The following NOL4 variants were observed in gnomAD, a reference collection of about 807,000 sequenced individuals.
The protein encoded by NOL4 is cancer/testis antigen 125.
NOL4 carries 17 observed loss-of-function variants against 75.9 expected under a neutral mutation model. That is an observed-to-expected ratio of 0.22 (90% CI 0.15 to 0.34). NOL4 has a LOEUF of 0.34. Among genes scored for constraint, NOL4 ranks in the 10% least tolerant of loss-of-function variants. The pLI, the probability that NOL4 is intolerant of heterozygous loss-of-function variation, is 1.00. For synonymous variants in NOL4, 292 were observed against 289.9 expected (o/e 1.01, Z -0.07); for missense variants, 614 against 793.5 (o/e 0.77, Z 2.72).
intron 1 of NOL4, among the ~76,000 whole-genome samples, chr18:34,133,847 C>T (rs751339722): frequency 1.1e-4 from 17 of 152,206 alleles, no homozygotes; most frequent in Admixed American, 3.3e-4. Context: ...TATGGTGAAA[C>T]CCCTTCTCTA....
chr18:34,022,986 A>T (rs967477320), intron 5 of NOL4, among the ~76,000 whole-genome samples: 2 of 152,100 alleles, frequency 1.3e-5, no homozygotes, highest in African/African-American at 2.4e-5. Flanking sequence ...TAAGGTAGAA[A>T]ATATTTTTAG....
chr18:34,049,712 AC>A (rs763598155), intron 5 of NOL4, among the ~76,000 whole-genome samples: 4 of 151,946 alleles, frequency 2.6e-5, no homozygotes, highest in Non-Finnish European at 5.9e-5. Context: ...CCTGCATACC[AC>A]CCTTCCCCCA....
intron 5 of NOL4, among the ~76,000 whole-genome samples, chr18:34,053,461 A>G (rs1239395088): frequency 6.6e-6 from 1 of 151,990 alleles, no homozygotes; most frequent in Non-Finnish European, 1.5e-5. Flanking sequence ...ACATATGGAG[A>G]AAAAAGCTTA....
intron 10 of NOL4, among the ~76,000 whole-genome samples, chr18:33,879,966 T>C (rs1475125855): frequency 1.3e-5 from 2 of 152,094 alleles, no homozygotes; most frequent in African/African-American, 4.8e-5. Context: ...ACTTTTTGCA[T>C]TGAGCTAGTC....
intron 9 of NOL4, among the ~76,000 whole-genome samples, chr18:33,896,679 T>A (rs2065430196): frequency 6.6e-6 from 1 of 151,990 alleles, no homozygotes; most frequent in Non-Finnish European, 1.5e-5. Flanking sequence ...GGAAGACAAC[T>A]TAGGCAATAT....
At chr18:34,102,125 T>C (rs1428546978) in intron 4 of NOL4, among the ~76,000 whole-genome samples, 1 of 152,062 alleles carries the variant, frequency 6.6e-6, no homozygotes, top group African/African-American at 2.4e-5. Context: ...AAACTTGTGA[T>C]TCCCTAGTTC....
chr18:34,076,485 A>C (rs1197194441), intron 5 of NOL4, among the ~76,000 whole-genome samples: 3 of 152,172 alleles, frequency 2.0e-5, no homozygotes, highest in Non-Finnish European at 4.4e-5. Flanking sequence ...AGCAAAAGTT[A>C]CCCTTAGACT....
intron 5 of NOL4, among the ~76,000 whole-genome samples, chr18:34,043,746 G>A (rs2076241115): frequency 1.3e-5 from 2 of 152,024 alleles, no homozygotes; most frequent in African/African-American, 4.8e-5. Context: ...AAGGGTTAAG[G>A]GATAAGTTTT....
chr18:34,130,637 C>G (rs1032807903), intron 1 of NOL4, among the ~76,000 whole-genome samples: 1 of 152,004 alleles, frequency 6.6e-6, no homozygotes, highest in African/African-American at 2.4e-5. Flanking sequence ...TTAAACTTCT[C>G]TAAATTTCAG....
rs951874345 is a variant in NOL4 at position 33,997,159 on chromosome 18, G to A, written c.1056+22159C>T. 2.0e-4 allele frequency among the ~76,000 whole-genome samples: 30 copies of A among 151,682 alleles called. 1 individual carries two copies. Among genetic ancestry groups the A allele is most frequent in the Admixed American group, 7.9e-4 (12 of 15,200 alleles). ...TTGAGTACTTACTAATTAATTTTTT[G>A]CCAAAGCGGATGTCCAGAAGGGTAT... On this transcript the variant is annotated intron_variant, in intron 6 of 10. Transcript: ENST00000261592.
At chr18:34,049,456 T>C (rs748337335) in intron 5 of NOL4, among the ~76,000 whole-genome samples, 1 of 152,062 alleles carries the variant, frequency 6.6e-6, no homozygotes, top group Non-Finnish European at 1.5e-5. Flanking sequence ...GTTCTGACTA[T>C]TTTGAACATT....
At chr18:33,921,564 AGAG>A (rs141280348) in intron 9 of NOL4, among the ~76,000 whole-genome samples, 178 of 152,264 alleles carry the variant, frequency 1.2e-3, no homozygotes, top group African/African-American at 4.0e-3. Flanking sequence ...TCTTTTAGGA[AGAG>A]GAGAAGAGAC....
At chr18:34,141,435 A>G (rs1469528808) in intron 1 of NOL4, among the ~76,000 whole-genome samples, 3 of 152,276 alleles carry the variant, frequency 2.0e-5, no homozygotes, top group East Asian at 1.9e-4. Flanking sequence ...TTCAAACTAT[A>G]CTATAAGGCT....
intron 9 of NOL4, among the ~76,000 whole-genome samples, chr18:33,912,592 C>T (rs2066474750): frequency 6.6e-6 from 1 of 151,910 alleles, no homozygotes; most frequent in South Asian, 2.1e-4. Flanking sequence ...CAACATAAGC[C>T]TTTTGTTCCT....
intron 5 of NOL4, among the ~76,000 whole-genome samples, chr18:34,091,193 TA>T (rs2078502905): frequency 1.7e-5 from 1 of 57,986 alleles, no homozygotes; most frequent in South Asian, 4.7e-4. Flanking sequence ...CTACTAAAAA[TA>T]CAAAAAAAAA....
intron 5 of NOL4, among the ~76,000 whole-genome samples, chr18:34,078,948 C>A (rs1260345084): frequency 6.6e-6 from 1 of 152,154 alleles, no homozygotes; most frequent in African/African-American, 2.4e-5. Flanking sequence ...GTAGGACTGG[C>A]ATAAATTCAC....
chr18:34,154,501 G>A (rs1484434107), intron 1 of NOL4, among the ~76,000 whole-genome samples: 1 of 151,962 alleles, frequency 6.6e-6, no homozygotes, highest in Non-Finnish European at 1.5e-5. Flanking sequence ...CATACATGCT[G>A]TAGTGTGTAG....
At chr18:34,119,625 TA>T (rs1257757314) in intron 2 of NOL4, among the ~76,000 whole-genome samples, 1 of 151,832 alleles carries the variant, frequency 6.6e-6, no homozygotes, top group Non-Finnish European at 1.5e-5. Flanking sequence ...TTATTTTTTT[TA>T]TTTTTATTTT....
At chr18:33,877,437 T>TAACAAAAAAAAAA (rs1555641396) in intron 10 of NOL4, among the ~76,000 whole-genome samples, 2 of 106,240 alleles carry the variant, frequency 1.9e-5, no homozygotes, top group Admixed American at 1.0e-4. Flanking sequence ...GACCTTGCCT[T>TAACAAAAAAAAAA]AAAAAAAAAA....
Sources: gnomAD v4.1 joint callset for allele counts (sites outside exome capture counted in the v4.1 genomes callset) on GRCh38, gnomAD v4.1.1 for gene constraint, MANE v1.5 for transcripts, NCBI Gene and HGNC (gene_info 2026-07-23, HGNC 2026-07-21) for gene names.